The following OTOA variants were observed in gnomAD, a reference collection of about 807,000 sequenced individuals.
OTOA encodes otoancorin.
OTOA carries 70 observed loss-of-function variants against 110.8 expected under a neutral mutation model. That is an observed-to-expected ratio of 0.63 (90% confidence interval 0.52 to 0.77). The LOEUF is 0.77. Among genes scored for constraint, OTOA ranks in the 30% least tolerant of loss-of-function variants. OTOA has a pLI of 0.00. For synonymous variants in OTOA, 373 were observed against 431.5 expected (o/e 0.86, Z 1.68); for missense variants, 917 against 1,075.8 (o/e 0.85, Z 2.06).
At chr16:21,699,070 C>T (rs1282635220) in intron 10 of OTOA, among the ~76,000 whole-genome samples, 2 of 152,146 alleles carry the variant, frequency 1.3e-5, no homozygotes, top group African/African-American at 4.8e-5. Context: ...CCTGCCTCAG[C>T]CTCTTGAGTA....
intron 6 of OTOA, chr16:21,684,558 C>T: frequency 6.5e-7 from 1 of 1,546,922 alleles, no homozygotes; most frequent in Non-Finnish European, 8.7e-7. Context: ...ACCAGGCAGG[C>T]CATGGAATGG....
At chr16:21,699,137 G>A (rs1406109663) in intron 10 of OTOA, among the ~76,000 whole-genome samples, 2 of 152,150 alleles carry the variant, frequency 1.3e-5, no homozygotes, top group East Asian at 3.9e-4. Flanking sequence ...TTTTAGCAGA[G>A]ACGAGGTTTC....
At chr16:21,679,680 C>G (rs148701084) in intron 5 of OTOA, among the ~76,000 whole-genome samples, 1 of 152,302 alleles carries the variant, frequency 6.6e-6, no homozygotes, top group South Asian at 2.1e-4. Context: ...GCTGGGATTA[C>G]AGGTGTGAGC....
chr16:21,681,570 G>GAGAAAAGAAAAAAGGAA lies in OTOA; in HGVS notation c.180-156_180-140dup, dbSNP rs1293747738. ...AGAGCAAGACCCTGTTTCAAAAAAA[G>GAGAAAAGAAAAAAGGAA]AGAAAAGAAAAAAGGAAAGAAAAGA... On this transcript the variant is annotated intron_variant, in intron 5 of 28. Transcript: ENST00000646100. Among the ~76,000 whole-genome samples the GAGAAAAGAAAAAAGGAA allele has an allele frequency of 3.9e-5, 6 of 152,166 alleles. No homozygotes were observed. The East Asian group carries it at 5.8e-4, about 15-fold the overall frequency.
intron 13 of OTOA, among the ~76,000 whole-genome samples, chr16:21,714,172 GA>G (rs772245809): frequency 9.2e-5 from 14 of 151,564 alleles, no homozygotes; most frequent in East Asian, 1.9e-4. Flanking sequence ...CTAAAGGAAG[GA>G]AAAAAAACCC....
intron 15 of OTOA, among the ~76,000 whole-genome samples, chr16:21,717,616 C>T (rs775880378): frequency 3.3e-5 from 5 of 152,070 alleles, no homozygotes; most frequent in Admixed American, 1.3e-4. Context: ...TAAGTATTCG[C>T]GGCTATTATG....
At chr16:21,758,917 G>T (rs1313556613) in intron 28 of OTOA, among the ~76,000 whole-genome samples, 2 of 151,810 alleles carry the variant, frequency 1.3e-5, no homozygotes, top group African/African-American at 4.8e-5. Context: ...CAGGAGAGTT[G>T]CTTGAACACT....
At chr16:21,712,924 G>A (rs1898403840) in intron 13 of OTOA, among the ~76,000 whole-genome samples, 1 of 152,114 alleles carries the variant, frequency 6.6e-6, no homozygotes, top group Admixed American at 6.6e-5. Context: ...GCATCCAGAA[G>A]GCAGTGCTGG....
intron 27 of OTOA, among the ~76,000 whole-genome samples, chr16:21,756,543 C>A (rs896592633): frequency 6.6e-6 from 1 of 152,032 alleles, no homozygotes; most frequent in Admixed American, 6.6e-5. Flanking sequence ...GTGTTTCCCC[C>A]TCCACATCAG....
intron 10 of OTOA, among the ~76,000 whole-genome samples, chr16:21,699,076 G>C (rs1242645409): frequency 6.6e-6 from 1 of 152,054 alleles, no homozygotes; most frequent in Non-Finnish European, 1.5e-5. Context: ...TCAGCCTCTT[G>C]AGTAGCTGGG....
At position 21,687,441 on chromosome 16, in the gene OTOA, G is replaced by C; in HGVS notation, c.428G>C (p.Gly143Ala). Residue 143 changes from glycine to alanine, a missense_variant, in exon 8 of 29, where the codon GGA becomes GCA. Gly to Ala is a moderately conservative substitution (Grantham distance 60, BLOSUM62 0). Around this residue, in one of 6 missense-constraint regions of OTOA, gnomAD observed 840 missense variants for 910.2 expected, o/e 0.92. Transcript: ENST00000646100. ...LDLKDIIIDL[G>A]EIRERALQSP... Reference sequence around the variant, plus strand: ...CTGAAAGACATCATCATCGACTTAGGAGAGATTCGAGAACGAGCCTTGCAG... The same window carrying C: ...CTGAAAGACATCATCATCGACTTAGCAGAGATTCGAGAACGAGCCTTGCAG... 2 of 1,614,086 alleles carry C rather than the reference G, an allele frequency of 1.2e-6. No homozygotes were observed. The highest frequency in any genetic ancestry group is 1.7e-6 in the Non-Finnish European group (2 of 1,180,012).
intron 17 of OTOA, among the ~76,000 whole-genome samples, chr16:21,720,437 C>G (rs890692249): frequency 6.6e-6 from 1 of 152,190 alleles, no homozygotes; most frequent in Non-Finnish European, 1.5e-5. Context: ...CCCAGAAAAC[C>G]AGGAAGCATA....
intron 7 of OTOA, among the ~76,000 whole-genome samples, chr16:21,686,797 G>A (rs999192932): frequency 3.9e-5 from 6 of 152,118 alleles, no homozygotes; most frequent in African/African-American, 1.4e-4. Flanking sequence ...GGAGGCTGAG[G>A]TGGGAGGATC....
intron 18 of OTOA, among the ~76,000 whole-genome samples, chr16:21,726,274 G>A (rs1898912293): frequency 6.6e-6 from 1 of 151,752 alleles, no homozygotes; most frequent in African/African-American, 2.4e-5. Flanking sequence ...CCATAGAAGA[G>A]AGCATGATGG....
In OTOA at chr16:21,715,076, C is replaced by T. The variant is rs919283549; in HGVS notation, c.1412C>T (p.Ser471Leu). 6 of 1,614,090 alleles carry T rather than the reference C, an allele frequency of 3.7e-6. No individual in the cohort carries two copies. The highest frequency in any genetic ancestry group is 1.6e-4 in the Middle Eastern group (1 of 6,084). The change falls in exon 14 of 29, where the codon TCG becomes TTG. Residue 471 changes from serine to leucine, a missense_variant. Ser to Leu is a moderately radical substitution (Grantham distance 145). Around this residue, in one of 6 missense-constraint regions of OTOA, gnomAD observed 840 missense variants for 910.2 expected, o/e 0.92. Transcript: ENST00000646100. ...TGCAGCATGAAACGCAAGGACATCT[C>T]GCAGGTCCTGAGAAGTGCCGTCTCC... ...AFCSMKRKDI[S>L]QVLRSAVSQY...
Position 21,682,332 on chromosome 16 carries a change from T to C in OTOA, c.267+507T>C, listed in dbSNP as rs571846621. Among the ~76,000 whole-genome samples the C allele has an allele frequency of 7.9e-5, 12 of 152,318 alleles. No individual in the cohort carries two copies. In the South Asian group the frequency reaches 2.3e-3, roughly 29 times the overall value. On this transcript the variant is annotated intron_variant, in intron 6 of 28. Coordinates refer to ENST00000646100, the MANE Select transcript of OTOA (RefSeq NM_144672.4). ...TTCTCTTCTGAGGATATGACGCAAG[T>C]TACACAATTCCCTCTGCACACATTA... is the stretch of plus-strand genomic sequence containing the variant.
intron 13 of OTOA, 36 bp downstream of exon 13, chr16:21,710,139 A>G: frequency 6.5e-7 from 1 of 1,541,458 alleles, no homozygotes; most frequent in South Asian, 1.2e-5. Context: ...TTATTCCCCT[A>G]AGATGACCTA....
intron 22 of OTOA, 55 bp downstream of exon 22, chr16:21,736,445 G>A (rs200860859): frequency 6.2e-7 from 1 of 1,611,058 alleles, no homozygotes; most frequent in Non-Finnish European, 8.5e-7. Context: ...AATGTTTTGG[G>A]CAGGGTCCCT....
At chr16:21,694,064 A>G (rs1184179646) in intron 9 of OTOA, among the ~76,000 whole-genome samples, 2 of 152,188 alleles carry the variant, frequency 1.3e-5, no homozygotes, top group Non-Finnish European at 2.9e-5. Context: ...GTAAAGCTTT[A>G]CTAATGGATG....
Sources: allele counts gnomAD v4.1 joint callset (sites outside exome capture counted in the v4.1 genomes callset), GRCh38; gene constraint gnomAD v4.1.1; regional missense constraint gnomAD v4.1.1; transcripts MANE v1.5; gene names NCBI Gene and HGNC (gene_info 2026-07-23, HGNC 2026-07-21).